The following PCDHGA1 variants were observed in gnomAD, a reference collection of about 807,000 sequenced individuals.
PCDHGA1 encodes protocadherin gamma-A1.
PCDHGA1 carries 32 observed loss-of-function variants against 58.0 expected under a neutral mutation model. The ratio of observed to expected loss-of-function variants is 0.55; its 90% confidence interval spans 0.42 to 0.74. PCDHGA1 has a LOEUF of 0.74. PCDHGA1 is among the 30% of genes least tolerant of loss of function. The pLI is 0.00. For missense variants in PCDHGA1, 1,205 were observed against 1,182.3 expected (o/e 1.02, Z -0.28); for synonymous variants, 498 against 501.1 (o/e 0.99, Z 0.08).
Position 141,489,829 on chromosome 5 carries a change from G to T in PCDHGA1, c.2422-4978G>T, listed in dbSNP as rs1445416879. 6.2e-7 allele frequency: 1 copy of T among 1,614,076 alleles called. No individual in the cohort carries two copies. Among genetic ancestry groups the T allele is most frequent in the South Asian group, 1.1e-5 (1 of 91,070 alleles). ...GAAGCCATTCCCAGAGCTGGTGCTA[G>T]AGCAGCAGCTGGATCGTGAAGCCCA... On this transcript the variant is annotated intron_variant, in intron 1 of 3. Coordinates refer to ENST00000517417, the MANE Select transcript of PCDHGA1 (RefSeq NM_018912.3). The surrounding 1 kb of genome is among the most constrained non-coding windows in gnomAD (Gnocchi z 4.5).
At chr5:141,402,827 G>C in intron 1 of PCDHGA1, 10 of 1,330,136 alleles carry the variant, frequency 7.5e-6, no homozygotes, top group Non-Finnish European at 9.9e-6. Context: ...CTGCTCCCAG[G>C]CTGCAGCAAA....
In PCDHGA1 at chr5:141,330,651, C is replaced by T. The variant is rs1175344674; in HGVS notation, c.-34C>T. ...AAAAGCAGAAACGATACCCTTGGTA[C>T]TGGACTGGAAGAAAACTACGAAGTG... On this transcript the variant is annotated 5_prime_UTR_variant, in exon 1 of 4. Transcript: ENST00000517417. 3 of 1,567,598 alleles carry T rather than the reference C, an allele frequency of 1.9e-6. 1 individual carries two copies. Among genetic ancestry groups the T allele is most frequent in the South Asian group, 2.4e-5 (2 of 83,224 alleles).
At chr5:141,407,625 T>C (rs1354209573) in intron 1 of PCDHGA1, among the ~76,000 whole-genome samples, 2 of 152,220 alleles carry the variant, frequency 1.3e-5, no homozygotes, top group African/African-American at 4.8e-5. Context: ...ACATTCTATA[T>C]CTCGTATTAC....
chr5:141,337,249 T>C (rs982545291), intron 1 of PCDHGA1, among the ~76,000 whole-genome samples: 6 of 152,210 alleles, frequency 3.9e-5, no homozygotes, highest in African/African-American at 1.4e-4. Flanking sequence ...AATTACCATA[T>C]AATCCAGCAA....
chr5:141,407,656 C>T (rs1333500318), intron 1 of PCDHGA1, among the ~76,000 whole-genome samples: 1 of 151,756 alleles, frequency 6.6e-6, no homozygotes, highest in Admixed American at 6.6e-5. Flanking sequence ...TGGGGGAGCG[C>T]AGTATATATT....
chr5:141,420,507 A>G (rs548077936), intron 1 of PCDHGA1: 1 of 428,282 alleles, frequency 2.3e-6, no homozygotes, highest in African/African-American at 2.0e-5. Context: ...TGACATTTTT[A>G]TGAAGTAAAA....
chr5:141,399,001 T>G, intron 1 of PCDHGA1: 1 of 1,613,890 alleles, frequency 6.2e-7, no homozygotes, highest in Non-Finnish European at 8.5e-7. Context: ...TAGTCTGAAT[T>G]CAAAGAGCGG....
chr5:141,344,955 G>C (rs1757496781), intron 1 of PCDHGA1: 4 of 1,613,700 alleles, frequency 2.5e-6, no homozygotes, highest in Admixed American at 1.7e-5. Flanking sequence ...AAAAAGTCTA[G>C]ATTATGAGGA....
Position 141,331,505 on chromosome 5 carries a change from A to G in PCDHGA1, c.821A>G (p.Asn274Ser), listed in dbSNP as rs915148958. Residue 274 changes from asparagine to serine, a missense_variant, in exon 1 of 4, where the codon AAT (asparagine) becomes AGT (serine). Transcript: ENST00000517417. ...GCCACTGACCCTGATGAGGGAGCCA[A>G]TGGGGAAGTAACGTACTCCTTTCAC... ...VNATDPDEGA[N>S]GEVTYSFHNV... The G allele has an allele frequency of 2.5e-6, 4 of 1,614,212 alleles. No individual in the cohort carries two copies. Among genetic ancestry groups the G allele is most frequent in the Admixed American group, 1.7e-5 (1 of 60,028 alleles).
chr5:141,415,752 T>G lies in PCDHGA1; in HGVS notation c.2422-79055T>G, dbSNP rs981275270. ...GATGTTTATTAAGGTTTTTTTTTTT[T>G]TTTTTTTTTTTTTTTTTTTTACTTT... On this transcript the variant is annotated intron_variant, in intron 1 of 3. Transcript: ENST00000517417. 5.6e-5 allele frequency: 77 copies of G among 1,372,446 alleles called. No individual in the cohort carries two copies. In the East Asian group the frequency reaches 6.8e-4, roughly 12 times the overall value. 85.0% of individuals were successfully genotyped at this position (1,372,446 alleles called of 1,614,324 possible).
In PCDHGA1 at chr5:141,384,156, C is replaced by A. The variant is rs760709557; in HGVS notation, c.2421+51051C>A. The A allele has an allele frequency of 1.9e-6, 3 of 1,613,342 alleles. No individual in the cohort carries two copies. In the African/African-American group the frequency reaches 4.0e-5, roughly 22 times the overall value. On this transcript the variant is annotated intron_variant, in intron 1 of 3. Transcript: ENST00000517417. ...ACCGGGAAACACTCTCTTTGTATAACATCACACTGAAAGCCACAGATGGTG... is the reference window on the plus strand; with the variant it reads ...ACCGGGAAACACTCTCTTTGTATAAAATCACACTGAAAGCCACAGATGGTG...
chr5:141,355,453 G>A, intron 1 of PCDHGA1: 2 of 1,614,094 alleles, frequency 1.2e-6, no homozygotes, highest in South Asian at 1.1e-5. Flanking sequence ...CGGCACCTTG[G>A]TCACCGCGGG....
intron 1 of PCDHGA1, chr5:141,404,976 T>G (rs373850794): frequency 4.3e-6 from 7 of 1,614,002 alleles, no homozygotes; most frequent in Non-Finnish European, 5.9e-6. Context: ...CTGGCTGACC[T>G]GGGCAGTCTT....
intron 1 of PCDHGA1, chr5:141,345,725 C>T: frequency 6.2e-7 from 1 of 1,614,230 alleles, no homozygotes; most frequent in Non-Finnish European, 8.5e-7. Context: ...AGATCCTGTA[C>T]CCCGCCCTCC....
intron 1 of PCDHGA1, among the ~76,000 whole-genome samples, chr5:141,352,861 G>A (rs1041209949): frequency 2.6e-5 from 4 of 152,108 alleles, no homozygotes; most frequent in African/African-American, 9.7e-5. Context: ...GGTGGCACGC[G>A]CCTGTAGTCC....
rs951029522 is a variant in PCDHGA1, at chr5:141,487,944, G to A, written c.2422-6863G>A. 6.6e-6 allele frequency among the ~76,000 whole-genome samples: 1 copy of A among 152,164 alleles called. No homozygotes were observed. Among genetic ancestry groups the A allele is most frequent in the Admixed American group, 6.5e-5 (1 of 15,282 alleles). On this transcript the variant is annotated intron_variant, in intron 1 of 3. Transcript: ENST00000517417. The surrounding 1 kb of genome is among the most constrained non-coding windows in gnomAD (Gnocchi z 5.0). ...ACAGTGCACAGGGTACAGTGCACCA[G>A]GCAGTCACTTGGACAAAGGTGGCTG...
chr5:141,465,030 C>T (rs922114985), intron 1 of PCDHGA1, among the ~76,000 whole-genome samples: 2 of 152,086 alleles, frequency 1.3e-5, no homozygotes, highest in Non-Finnish European at 1.5e-5. Context: ...CCATGAACCA[C>T]CACAAATGAC....
At chr5:141,366,022 C>T in intron 1 of PCDHGA1, 1 of 1,614,248 alleles carries the variant, frequency 6.2e-7, no homozygotes, top group Non-Finnish European at 8.5e-7. Context: ...AGATCCTGTA[C>T]CCCGCCCTCC....
intron 1 of PCDHGA1, among the ~76,000 whole-genome samples, chr5:141,483,630 G>A (rs2099583876): frequency 6.7e-6 from 1 of 149,714 alleles, no homozygotes; most frequent in African/African-American, 2.5e-5. Flanking sequence ...ATGGGAGAAG[G>A]TATAGAGGGG....
Sources: allele counts gnomAD v4.1 joint callset (sites outside exome capture counted in the v4.1 genomes callset), GRCh38; gene constraint gnomAD v4.1.1; non-coding constraint Gnocchi (gnomAD v3.1); transcripts MANE v1.5; gene names NCBI Gene and HGNC (gene_info 2026-07-23, HGNC 2026-07-21).